ENOSF1: variants seen among roughly 807,000 people sequenced by gnomAD.
ENOSF1 encodes mitochondrial enolase superfamily member 1.
Under a neutral mutation model 68.2 loss-of-function variants are expected in ENOSF1, and 73 were observed. That is an observed-to-expected ratio of 1.07 (90% confidence interval 0.89 to 1.30). ENOSF1 has a LOEUF of 1.30. Among genes scored for constraint, ENOSF1 ranks in the 50% most tolerant of loss-of-function variants. The pLI is 0.00. For missense variants in ENOSF1, 589 were observed against 554.5 expected, an observed-to-expected ratio of 1.06 and a Z score of -0.62; for synonymous variants, 223 against 210.4, an observed-to-expected ratio of 1.06 and a Z score of -0.52.
chr18:693,607 G>A, intron 5 of ENOSF1: 1 of 985,428 alleles, frequency 1.0e-6, no homozygotes, highest in South Asian at 4.7e-5. Context: ...GGCAATGGAG[G>A]CTCAGAGAAC....
chr18:693,103 C>G, intron 5 of ENOSF1: 1 of 1,289,026 alleles, frequency 7.8e-7, no homozygotes, highest in South Asian at 1.2e-5. Context: ...ACAGCCAGCT[C>G]TGCATGGGGT....
At chr18:688,716 C>T in intron 8 of ENOSF1, 108 bp from the exon 9 acceptor site, 1 of 934,678 alleles carries the variant, frequency 1.1e-6, no homozygotes, top group Non-Finnish European at 1.7e-6. Flanking sequence ...TAGCATAGAC[C>T]AGAGTAACAC....
intron 2 of ENOSF1, among the ~76,000 whole-genome samples, chr18:703,338 CAA>C (rs1267999172): frequency 2.0e-5 from 3 of 151,904 alleles, no homozygotes; most frequent in Admixed American, 2.0e-4. Context: ...CCCAAGTCAG[CAA>C]AGTTTAAAGT....
intron 15 of ENOSF1, among the ~76,000 whole-genome samples, chr18:674,859 A>C (rs1464652336): frequency 1.3e-5 from 2 of 152,222 alleles, no homozygotes; most frequent in Non-Finnish European, 2.9e-5. Flanking sequence ...AGACTGTTGG[A>C]AATAATAGGG....
In ENOSF1 at chr18:672,587, C is replaced by G; in HGVS notation, c.*1718G>C. 3.7e-6 allele frequency: 1 copy of G among 269,160 alleles called. No homozygotes were observed. Among genetic ancestry groups the G allele is most frequent in the Non-Finnish European group, 7.1e-6 (1 of 141,318 alleles). The allele number at this position is 269,160 out of a possible 1,614,324, so 16.7% of individuals were successfully genotyped here. A position where few individuals can be genotyped will look rare whatever the true frequency, so the allele number is the denominator to read the frequency against. ...GTGTTCCTGTCTTTAATAAATTTGC[C>G]AAGAGTGGTTATAAGAACTTACACC... On this transcript the variant is annotated 3_prime_UTR_variant, in exon 16 of 16. Coordinates refer to ENST00000647584, the MANE Select transcript of ENOSF1 (RefSeq NM_017512.7).
rs1354921892 is a variant in ENOSF1 at position 673,179 on chromosome 18, A to G, written c.*1126T>C. ...AAATGTAACTGTGCCAGTTCTTTCC[A>G]TAATAAAAGGCTTTGAGTTAACTCA... is the stretch of plus-strand genomic sequence containing the variant. On this transcript the variant is annotated 3_prime_UTR_variant, in exon 16 of 16. Transcript: ENST00000647584. 7 of 565,020 alleles carry G rather than the reference A, an allele frequency of 1.2e-5. No homozygotes were observed. The Admixed American group carries it at 2.0e-4, about 16-fold the overall frequency. The allele number at this position is 565,020 out of a possible 1,614,324, so 35.0% of individuals were successfully genotyped here. A position where few individuals can be genotyped will look rare whatever the true frequency, so the allele number is the denominator to read the frequency against.
chr18:671,700 A>T lies in ENOSF1; in HGVS notation c.*2605T>A, dbSNP rs1055212776. The T allele has an allele frequency of 1.9e-6, 1 of 513,026 alleles. No homozygotes were observed. Among genetic ancestry groups the T allele is most frequent in the African/African-American group, 2.0e-5 (1 of 49,492 alleles). The allele number at this position is 513,026 out of a possible 1,614,324, so 31.8% of individuals were successfully genotyped here. A position where few individuals can be genotyped will look rare whatever the true frequency, so the allele number is the denominator to read the frequency against. The stretch of plus-strand genomic sequence containing the variant: ...CCAGTACCAGAGAGGGAAGAGCCAC[A>T]TTCAAGCCAGGGGATTGTCCAAAAG... On this transcript the variant is annotated 3_prime_UTR_variant, in exon 16 of 16. Coordinates refer to ENST00000647584, the MANE Select transcript of ENOSF1 (RefSeq NM_017512.7).
chr18:697,090 G>A (rs111649718), intron 3 of ENOSF1, 150 bp downstream of exon 3: 9 of 640,900 alleles, frequency 1.4e-5, no homozygotes, highest in East Asian at 3.1e-5. Flanking sequence ...GCACTCCAAC[G>A]TGGGTGACAG....
chr18:702,169 C>G (rs200228885), intron 2 of ENOSF1, among the ~76,000 whole-genome samples: 3 of 145,254 alleles, frequency 2.1e-5, no homozygotes, highest in African/African-American at 7.7e-5. Flanking sequence ...GAGGCTGAGG[C>G]AGGAGAATCG....
Position 706,570 on chromosome 18 carries a change from G to T in ENOSF1, c.93C>A (p.Asp31Glu), listed in dbSNP as rs34724061. Reference protein sequence around the residue: ...GGHGADAMHTDPDYSAAYVVI... With the variant: ...GGHGADAMHTEPDYSAAYVVI... ...CGACATAGGCAGCCGAGTAGTCAGG[G>T]TCCGTGTGCTGCAGGAGAAGAGTTC... The change falls in exon 2 of 16, where the codon GAC (aspartate) becomes GAA (glutamate). Residue 31 changes from aspartate (D) to glutamate (E), a missense_variant. Coordinates refer to ENST00000647584, the MANE Select transcript of ENOSF1 (RefSeq NM_017512.7). The T allele has an allele frequency of 0.017, 27,127 of 1,612,866 alleles. 279 individuals carry two copies. The highest frequency in any genetic ancestry group is 0.019 in the Non-Finnish European group (22,741 of 1,179,096).
intron 10 of ENOSF1, 146 bp from the exon 11 acceptor site, chr18:683,526 G>A (rs2076312820): frequency 2.3e-6 from 2 of 859,734 alleles, no homozygotes; most frequent in Non-Finnish European, 3.5e-6. Context: ...CCAGCACACG[G>A]CCCTAACAAA....
the ENOSF1 span, among the ~76,000 whole-genome samples, chr18:664,914 G>C: frequency 7.0e-6 from 1 of 142,540 alleles, no homozygotes; most frequent in Non-Finnish European, 1.5e-5. Context: ...GCTGGATTCG[G>C]TTTGCCAGTA....
chr18:703,474 A>G (rs2078595093), intron 2 of ENOSF1, among the ~76,000 whole-genome samples: 1 of 152,230 alleles, frequency 6.6e-6, no homozygotes, highest in Non-Finnish European at 1.5e-5. Flanking sequence ...GCGGCTTCAT[A>G]AAGTACTCAA....
chr18:708,983 G>A (rs955320912), intron 1 of ENOSF1, among the ~76,000 whole-genome samples: 3 of 152,162 alleles, frequency 2.0e-5, no homozygotes, highest in Admixed American at 1.3e-4. Flanking sequence ...TCAGATGAGG[G>A]TCAACAGGAC....
intron 12 of ENOSF1, among the ~76,000 whole-genome samples, chr18:678,158 A>G (rs17491416): frequency 0.013 from 2,048 of 152,322 alleles, 17 homozygotes; most frequent in Non-Finnish European, 0.021. Flanking sequence ...ACAGCGACTG[A>G]TAAGTGGGAG....
At chr18:693,132 T>C in intron 5 of ENOSF1, 1 of 1,289,106 alleles carries the variant, frequency 7.8e-7, no homozygotes, top group Non-Finnish European at 1.0e-6. Context: ...CATTCCCCTT[T>C]AATTTGCCCA....
In ENOSF1 at chr18:673,036, T is replaced by C. The variant is rs201643970; in HGVS notation, c.*1269A>G. 135 of 1,486,120 alleles carry C rather than the reference T, an allele frequency of 9.1e-5. No homozygotes were observed. Among genetic ancestry groups the C allele is most frequent in the Non-Finnish European group, 1.1e-4 (121 of 1,099,658 alleles). The allele number at this position is 1,486,120 out of a possible 1,614,324, so 92.1% of individuals were successfully genotyped here. A position where few individuals can be genotyped will look rare whatever the true frequency, so the allele number is the denominator to read the frequency against. On this transcript the variant is annotated 3_prime_UTR_variant, in exon 16 of 16. Coordinates refer to ENST00000647584, the MANE Select transcript of ENOSF1 (RefSeq NM_017512.7). ...GAGCTCGAAGGATATTGTCAGTCTT[T>C]AGGGGTTGGGCTGGATGCCGAGGTA... is the stretch of plus-strand genomic sequence containing the variant.
At chr18:677,638 T>C (rs1210358731) in intron 13 of ENOSF1, 105 bp downstream of exon 13, 4 of 1,459,304 alleles carry the variant, frequency 2.7e-6, no homozygotes, top group South Asian at 2.8e-5. Flanking sequence ...AAAATCGAAA[T>C]GGCAAACTAC....
rs113883259 is a variant in ENOSF1 at position 702,774 on chromosome 18, TA to T, written c.193+3695del. ...ATAAATAATAAAAACTTTAAAAACA[TA>T]AAAAAAGGATAAAAATGAATATTAA... is the stretch of plus-strand genomic sequence containing the variant. On this transcript the variant is annotated intron_variant, in intron 2 of 15. Transcript: ENST00000647584. Among the ~76,000 whole-genome samples, 100 of 151,808 alleles carry T rather than the reference TA, an allele frequency of 6.6e-4. 1 individual carries two copies. The highest frequency in any genetic ancestry group is 1.6e-3 in the African/African-American group (66 of 41,406).
Sources: gnomAD v4.1 joint callset for allele counts (sites outside exome capture counted in the v4.1 genomes callset) on GRCh38, gnomAD v4.1.1 for gene constraint, MANE v1.5 for transcripts, NCBI Gene and HGNC (gene_info 2026-07-23, HGNC 2026-07-21) for gene names.